Variants in NAV3 observed in about 807,000 individuals in gnomAD.
NAV3 encodes neuron navigator 3.
A neutral mutation model predicts 244.7 loss-of-function variants in NAV3; 87 were observed. The observed-to-expected ratio is 0.36, with a 90% CI of 0.30 to 0.42. The LOEUF (loss-of-function observed/expected upper bound fraction) is 0.42, where lower values mean the gene tolerates loss of function less well. Among genes scored for constraint, NAV3 ranks in the 20% least tolerant of loss-of-function variants. The pLI is 1.00. For synonymous variants in NAV3, 1,126 were observed against 1,042.2 expected (o/e 1.08, Z -1.55); for missense variants, 2,663 against 2,893.3 (o/e 0.92, Z 1.83).
chr12:77,756,479 G>C (rs537427195), intron 2 of NAV3, among the ~76,000 whole-genome samples: 129 of 152,166 alleles, frequency 8.5e-4, no homozygotes, highest in Non-Finnish European at 9.9e-4. Flanking sequence ...GAAATGTCTA[G>C]ATTATCTTGG....
chr12:77,750,480 T>C (rs1454686094), intron 2 of NAV3, among the ~76,000 whole-genome samples: 1 of 151,816 alleles, frequency 6.6e-6, no homozygotes, highest in Non-Finnish European at 1.5e-5. Flanking sequence ...TGCAGTGCGC[T>C]CTAATCATGC....
At chr12:77,997,508 A>G (rs934086109) in intron 6 of NAV3, among the ~76,000 whole-genome samples, 3 of 152,188 alleles carry the variant, frequency 2.0e-5, no homozygotes, top group African/African-American at 7.2e-5. Flanking sequence ...ACCTCTAATT[A>G]TAAGATAGTC....
At position 78,200,465 on chromosome 12, in the gene NAV3, CT is replaced by C; in HGVS notation, c.6716-6del. On this transcript the variant is annotated splice_polypyrimidine_tract_variant and splice_region_variant and intron_variant, in intron 37 of 39. Transcript: ENST00000397909. Reference sequence around the variant, plus strand: ...TCTTAAAATATTTTGTTATTTATTTCTTATCAGGTCCCCGACTATTCCTTCC... The same window carrying C: ...TCTTAAAATATTTTGTTATTTATTTCTATCAGGTCCCCGACTATTCCTTCC... The C allele has an allele frequency of 6.7e-7, 1 of 1,491,690 alleles. No individual in the cohort carries two copies. 92.4% of individuals were successfully genotyped at this position (1,491,690 alleles called of 1,614,324 possible).
At chr12:78,209,509 C>A (rs1960677772) in intron 39 of NAV3, among the ~76,000 whole-genome samples, 1 of 151,734 alleles carries the variant, frequency 6.6e-6, no homozygotes. Flanking sequence ...AATCATTGAA[C>A]CATTTATTCA....
In NAV3 at chr12:78,006,995, A is replaced by G. The variant is rs1566012232; in HGVS notation, c.1457A>G (p.Glu486Gly). 1 of 1,614,150 alleles carries G rather than the reference A, an allele frequency of 6.2e-7. No homozygotes were observed. Among genetic ancestry groups the G allele is most frequent in the Non-Finnish European group, 8.5e-7 (1 of 1,180,030 alleles). The change falls in exon 8 of 40, where the codon GAA (glutamate) becomes GGA (glycine). Residue 486 changes from glutamate to glycine, a missense_variant. Transcript: ENST00000397909. ...NKVCTEKPVK[E>G]EKDQVTEMAP... ...GTTTGCACTGAAAAACCAGTCAAAG[A>G]AGAGAAGGATCAGGTGACAGAGATG... is the stretch of plus-strand genomic sequence containing the variant.
At chr12:78,140,622 G>A (rs1956567575) in intron 20 of NAV3, among the ~76,000 whole-genome samples, 1 of 152,124 alleles carries the variant, frequency 6.6e-6, no homozygotes, top group African/African-American at 2.4e-5. Flanking sequence ...ATGACTTGGA[G>A]TCTCTGAAAC....
intron 2 of NAV3, among the ~76,000 whole-genome samples, chr12:77,823,534 A>T (rs1565827704): frequency 1.3e-5 from 2 of 152,248 alleles, no homozygotes; most frequent in South Asian, 4.1e-4. Flanking sequence ...TGTGTGTTAG[A>T]TTCACAAAAT....
intron 9 of NAV3, among the ~76,000 whole-genome samples, chr12:78,046,981 T>G (rs775994881): frequency 3.3e-5 from 5 of 152,242 alleles, no homozygotes; most frequent in Non-Finnish European, 7.3e-5. Context: ...CTTACCATTA[T>G]GCAATGTCCT....
At chr12:77,747,274 G>A (rs951828136) in intron 2 of NAV3, among the ~76,000 whole-genome samples, 1 of 152,108 alleles carries the variant, frequency 6.6e-6, no homozygotes, top group East Asian at 1.9e-4. Flanking sequence ...TCCACTTGTT[G>A]ATGGGGTTGT....
At chr12:77,941,291 C>T (rs963245431) in intron 3 of NAV3, among the ~76,000 whole-genome samples, 158 bp downstream of exon 3, 5 of 152,062 alleles carry the variant, frequency 3.3e-5, no homozygotes, top group Non-Finnish European at 5.9e-5. Context: ...TCAATTTAGG[C>T]ACATCAACAT....
chr12:77,931,711 C>T (rs1888816592), intron 1 of NAV3, among the ~76,000 whole-genome samples: 1 of 151,810 alleles, frequency 6.6e-6, no homozygotes, highest in Non-Finnish European at 1.5e-5. Context: ...CTAAAAAATA[C>T]AAAAAATTAG....
At chr12:78,157,865 T>A (rs979045932) in intron 22 of NAV3, among the ~76,000 whole-genome samples, 3 of 151,970 alleles carry the variant, frequency 2.0e-5, no homozygotes, top group Non-Finnish European at 4.4e-5. Flanking sequence ...AGAGTTGTTC[T>A]GATAGATTAA....
At chr12:78,162,885 A>ATATATAATATATATATAAATATATAT (rs1957611519) in intron 23 of NAV3, among the ~76,000 whole-genome samples, 1 of 127,256 alleles carries the variant, frequency 7.9e-6, no homozygotes, top group African/African-American at 2.8e-5. Flanking sequence ...TATATATAAT[A>ATATATAATATATATATAAATATATAT]TATATAATAT....
chr12:77,585,665 C>A (rs927047016), intron 2 of NAV3, among the ~76,000 whole-genome samples: 3 of 152,132 alleles, frequency 2.0e-5, no homozygotes, highest in African/African-American at 7.2e-5. Flanking sequence ...CTACGAGAAC[C>A]TAACACCTTG....
chr12:78,143,680 A>C (rs1191015123), intron 20 of NAV3, among the ~76,000 whole-genome samples: 2 of 151,794 alleles, frequency 1.3e-5, no homozygotes, highest in Non-Finnish European at 2.9e-5. Flanking sequence ...GGGAGAGGGA[A>C]TCTAAGCCAA....
chr12:78,056,526 C>T (rs1200753934), intron 11 of NAV3, among the ~76,000 whole-genome samples: 1 of 152,080 alleles, frequency 6.6e-6, no homozygotes, highest in Non-Finnish European at 1.5e-5. Context: ...GTCAGGAGTT[C>T]GAGACCATCT....
chr12:77,582,036 A>G (rs696445), intron 2 of NAV3, among the ~76,000 whole-genome samples: 84,687 of 152,006 alleles, frequency 0.56, 23,965 homozygotes, highest in Middle Eastern at 0.74. Context: ...ACTCTGTAAA[A>G]CTATAGATCA....
chr12:78,096,138 G>A (rs1954239203), intron 12 of NAV3, among the ~76,000 whole-genome samples: 1 of 152,174 alleles, frequency 6.6e-6, no homozygotes, highest in South Asian at 2.1e-4. Flanking sequence ...AAGGGATCAA[G>A]TCCTAAGATC....
chr12:77,628,952 C>G (rs944796653), intron 2 of NAV3, among the ~76,000 whole-genome samples: 5 of 150,502 alleles, frequency 3.3e-5, no homozygotes, highest in African/African-American at 4.9e-5. Context: ...CTGCATTTTA[C>G]AGAATTACAA....
Sources: gnomAD v4.1 joint callset for allele counts (sites outside exome capture counted in the v4.1 genomes callset) on GRCh38, gnomAD v4.1.1 for gene constraint, MANE v1.5 for transcripts, NCBI Gene and HGNC (gene_info 2026-07-23, HGNC 2026-07-21) for gene names.